Variants in PTPRD observed in about 807,000 individuals in gnomAD.
PTPRD encodes the protein protein tyrosine phosphatase receptor type D.
In PTPRD, 34 loss-of-function variants were observed where a neutral mutation model predicts 214.5. The ratio of observed to expected loss-of-function variants is 0.16; its 90% CI spans 0.12 to 0.21. The LOEUF is 0.21. Among genes scored for constraint, PTPRD ranks in the 10% least tolerant of loss-of-function variants. The pLI is 1.00. For missense variants in PTPRD, 2,545 were observed against 2,398.7 expected (o/e 1.06, Z -1.27); for synonymous variants, 1,128 against 845.7 (o/e 1.33, Z -5.79).
At chr9:8,335,878 A>G (rs1300109306) in intron 43 of PTPRD, among the ~76,000 whole-genome samples, 3 of 152,144 alleles carry the variant, frequency 2.0e-5, no homozygotes, top group Non-Finnish European at 2.9e-5. Flanking sequence ...CCCATTCACA[A>G]TTGCTTCAAA....
chr9:10,448,020 T>A lies in PTPRD; in HGVS notation c.-599-107003A>T, dbSNP rs73408164. 9.9e-3 allele frequency among the ~76,000 whole-genome samples: 1,510 copies of A among 152,084 alleles called. 34 individuals carry two copies. The highest frequency in any genetic ancestry group is 0.029 in the African/African-American group (1,189 of 41,372). ...TGAGTGTGTGTGTTTGTGTGTATAA[T>A]GTGTGTAGCTATAAGTGCATGTATA... On this transcript the variant is annotated intron_variant, in intron 2 of 45. Coordinates refer to ENST00000381196, the MANE Select transcript of PTPRD (RefSeq NM_002839.4).
chr9:9,340,902 T>A (rs183933646), intron 9 of PTPRD, among the ~76,000 whole-genome samples: 1 of 152,254 alleles, frequency 6.6e-6, no homozygotes, highest in African/African-American at 2.4e-5. Flanking sequence ...AAACTACTAG[T>A]GAAGAAAACA....
intron 9 of PTPRD, among the ~76,000 whole-genome samples, chr9:9,334,748 T>G (rs1432639716): frequency 1.3e-5 from 2 of 151,904 alleles, no homozygotes; most frequent in Non-Finnish European, 2.9e-5. Flanking sequence ...TGTCTATTAT[T>G]ATCATGATCA....
At chr9:9,422,478 C>G (rs146188458) in intron 8 of PTPRD, among the ~76,000 whole-genome samples, 1 of 152,198 alleles carries the variant, frequency 6.6e-6, no homozygotes, top group East Asian at 1.9e-4. Flanking sequence ...TTTTAAAGCA[C>G]TGGAGAGCTT....
chr9:9,019,322 AAGAAAGAAAGAAAGAACGAAAGAAAG>A (rs2099552452), intron 10 of PTPRD, among the ~76,000 whole-genome samples: 1 of 79,726 alleles, frequency 1.3e-5, no homozygotes, highest in Admixed American at 1.2e-4. Context: ...GAAAGAAAGA[AAGAAAGAAAGAAAGAACGAAAGAAAG>A]AAAGAAAGAA....
At chr9:9,356,908 G>A (rs899448090) in intron 9 of PTPRD, among the ~76,000 whole-genome samples, 3 of 151,482 alleles carry the variant, frequency 2.0e-5, no homozygotes, top group South Asian at 2.1e-4. Flanking sequence ...TACCAGTGAG[G>A]CAGCAGAATT....
chr9:9,541,281 G>A (rs982372621), intron 8 of PTPRD, among the ~76,000 whole-genome samples: 1 of 151,728 alleles, frequency 6.6e-6, no homozygotes, highest in South Asian at 2.1e-4. Flanking sequence ...CAGGACTTCA[G>A]TTGCCATGAT....
At chr9:9,192,625 G>A (rs1393337774) in intron 9 of PTPRD, among the ~76,000 whole-genome samples, 1 of 152,020 alleles carries the variant, frequency 6.6e-6, no homozygotes, top group African/African-American at 2.4e-5. Context: ...AAAACAAATA[G>A]AGAGTCCATT....
At chr9:9,946,283 T>A (rs1200669339) in intron 4 of PTPRD, among the ~76,000 whole-genome samples, 2 of 152,186 alleles carry the variant, frequency 1.3e-5, no homozygotes, top group Non-Finnish European at 1.5e-5. Flanking sequence ...CAATACTTGC[T>A]TATTTAATGA....
Position 9,823,403 on chromosome 9 carries a change from C to A in PTPRD, c.-367-56552G>T, listed in dbSNP as rs10117144. Among the ~76,000 whole-genome samples the A allele has an allele frequency of 6.7e-3, 1,026 of 152,130 alleles. 6 individuals are homozygous for A. Among genetic ancestry groups the A allele is most frequent in the African/African-American group, 0.023 (954 of 41,496 alleles). On this transcript the variant is annotated intron_variant, in intron 5 of 45. Transcript: ENST00000381196. ...TGAGAACTTACTATTGCAAAGACAGCACAAGCCTGGAGGGATCTGTCCCCA... is the reference window on the plus strand; with the variant it reads ...TGAGAACTTACTATTGCAAAGACAGAACAAGCCTGGAGGGATCTGTCCCCA...
At chr9:9,840,521 C>A (rs893227956) in intron 5 of PTPRD, among the ~76,000 whole-genome samples, 4 of 151,648 alleles carry the variant, frequency 2.6e-5, no homozygotes, top group Non-Finnish European at 5.9e-5. Context: ...TATGTTTGGT[C>A]ATTTCATTGG....
intron 7 of PTPRD, among the ~76,000 whole-genome samples, chr9:9,674,337 G>C (rs2096888750): frequency 6.6e-6 from 1 of 151,536 alleles, no homozygotes; most frequent in Non-Finnish European, 1.5e-5. Flanking sequence ...AATCAAAGTA[G>C]GTTACAGGAC....
chr9:9,002,082 T>C (rs909610768), intron 11 of PTPRD, among the ~76,000 whole-genome samples: 1 of 151,994 alleles, frequency 6.6e-6, no homozygotes, highest in East Asian at 1.9e-4. Flanking sequence ...ACTCTAATCA[T>C]CGTAACAAAA....
chr9:10,487,969 T>TCC (rs1322940931), intron 2 of PTPRD, among the ~76,000 whole-genome samples: 10 of 55,930 alleles, frequency 1.8e-4, no homozygotes, highest in East Asian at 1.0e-3. Flanking sequence ...GAACACAGTC[T>TCC]CTCTCTCTCT....
intron 11 of PTPRD, among the ~76,000 whole-genome samples, chr9:8,842,786 T>C (rs569240336): frequency 1.5e-4 from 23 of 152,290 alleles, no homozygotes; most frequent in African/African-American, 5.5e-4. Flanking sequence ...TCAAACGCAC[T>C]ATAATAAAGC....
chr9:8,445,758 T>G (rs1301419180), intron 34 of PTPRD, among the ~76,000 whole-genome samples: 1 of 152,208 alleles, frequency 6.6e-6, no homozygotes, highest in Non-Finnish European at 1.5e-5. Flanking sequence ...CACAATTACA[T>G]TATGCTCAAT....
intron 3 of PTPRD, among the ~76,000 whole-genome samples, chr9:10,094,034 C>T (rs551924012): frequency 1.3e-5 from 2 of 151,386 alleles, no homozygotes; most frequent in South Asian, 4.2e-4. Context: ...AAAACCTCAG[C>T]ATCATGCAAT....
intron 3 of PTPRD, among the ~76,000 whole-genome samples, chr9:10,085,285 C>T (rs2098315411): frequency 6.6e-6 from 1 of 151,674 alleles, no homozygotes; most frequent in Non-Finnish European, 1.5e-5. Flanking sequence ...ATCAGTGGGG[C>T]CAAGATAACC....
At chr9:8,462,388 T>C (rs1291130246) in intron 32 of PTPRD, among the ~76,000 whole-genome samples, 2 of 152,010 alleles carry the variant, frequency 1.3e-5, no homozygotes, top group Non-Finnish European at 2.9e-5. Flanking sequence ...TACCAAGAGC[T>C]TCTTCCTTCC....
Sources: allele counts gnomAD v4.1 joint callset (sites outside exome capture counted in the v4.1 genomes callset), GRCh38; gene constraint gnomAD v4.1.1; transcripts MANE v1.5; gene names NCBI Gene and HGNC (gene_info 2026-07-23, HGNC 2026-07-21).